Variants in NBEAL1 observed in about 807,000 individuals in gnomAD.
The protein encoded by NBEAL1 is neurobeachin like 1, also known as neurobeachin-like protein 1.
Under a neutral mutation model 351.3 loss-of-function variants are expected in NBEAL1, and 273 were observed. The observed-to-expected ratio is 0.78, with a 90% CI of 0.70 to 0.86. NBEAL1 has a LOEUF of 0.86. Ranked by LOEUF, NBEAL1 falls within the 40% of genes least tolerant of loss-of-function variation. The pLI is 0.00. For synonymous variants in NBEAL1, 1,050 were observed against 1,086.4 expected (o/e 0.97, Z 0.66); for missense variants, 2,961 against 3,201.3 (o/e 0.92, Z 1.81).
rs556011755 is a variant in NBEAL1 at position 203,217,560 on chromosome 2, G to A, written c.*206G>A. ...AAAATACATTTGATTTGATTTTGTGGCCCATTCCTAAAGGTCATTGTATCC... is the reference window on the plus strand; with the variant it reads ...AAAATACATTTGATTTGATTTTGTGACCCATTCCTAAAGGTCATTGTATCC... On this transcript the variant is annotated 3_prime_UTR_variant, in exon 56 of 56. Coordinates refer to ENST00000683969, the MANE Select transcript of NBEAL1 (RefSeq NM_001378026.1). The A allele has an allele frequency of 1.1e-5, 13 of 1,168,652 alleles. No individual in the cohort carries two copies. In the African/African-American group the frequency reaches 2.1e-4, roughly 19 times the overall value. The allele number at this position is 1,168,652 out of a possible 1,614,324, so 72.4% of individuals were successfully genotyped here.
chr2:203,109,821 A>G (rs556458213), intron 14 of NBEAL1, among the ~76,000 whole-genome samples: 3 of 152,280 alleles, frequency 2.0e-5, no homozygotes, highest in South Asian at 2.1e-4. Context: ...CGCCTGGCCT[A>G]TATCTTGTGA....
intron 36 of NBEAL1, among the ~76,000 whole-genome samples, 173 bp from the exon 37 acceptor site, chr2:203,165,976 G>A (rs2064117782): frequency 6.6e-6 from 1 of 152,166 alleles, no homozygotes; most frequent in South Asian, 2.1e-4. Flanking sequence ...CCAGGAGGCA[G>A]AGGTTGCAGT....
chr2:203,207,233 A>G (rs1408889638), intron 51 of NBEAL1, among the ~76,000 whole-genome samples: 1 of 146,216 alleles, frequency 6.8e-6, no homozygotes, highest in Non-Finnish European at 1.5e-5. Context: ...CAGCCACCCC[A>G]TCTGGGAAGT....
chr2:203,183,593 A>AAT lies in NBEAL1; in HGVS notation c.6705+219_6705+220dup, dbSNP rs141705498. Among the ~76,000 whole-genome samples the AAT allele has an allele frequency of 1.6e-3, 236 of 150,644 alleles. 1 individual carries two copies. Among genetic ancestry groups the AAT allele is most frequent in the Admixed American group, 2.5e-3 (38 of 15,080 alleles). On this transcript the variant is annotated intron_variant, in intron 44 of 55. Coordinates refer to ENST00000683969, the MANE Select transcript of NBEAL1 (RefSeq NM_001378026.1). ...AGACTATAGTATAGTACCATGAATA[A>AAT]ATATATATATATATAGCAAAATATT...
intron 27 of NBEAL1, among the ~76,000 whole-genome samples, chr2:203,133,800 A>G (rs1559391324): frequency 1.3e-5 from 2 of 151,136 alleles, no homozygotes; most frequent in African/African-American, 4.8e-5. Flanking sequence ...TATATAATTT[A>G]TTTGTTTAAC....
Position 203,193,823 on chromosome 2 carries a change from AAGAAGCAGTGC to A in NBEAL1, c.6957_6967del (p.Val2320AsnfsTer16), listed in dbSNP as rs1324942965. Reference sequence around the variant, plus strand: ...CCACACCCTCCAAGATTATCAGCAGAAGAAGCAGTGCAGAAGCCAACCAAAATAGACACTTC... The same window carrying A: ...CCACACCCTCCAAGATTATCAGCAGAAGAAGCCAACCAAAATAGACACTTC... On this transcript the variant is annotated frameshift_variant, in exon 47 of 56. Transcript: ENST00000683969. LOFTEE classifies it high-confidence loss of function. The A allele has an allele frequency of 1.2e-6, 2 of 1,612,166 alleles. No individual in the cohort carries two copies. The highest frequency in any genetic ancestry group is 2.2e-5 in the South Asian group (2 of 90,782).
intron 3 of NBEAL1, among the ~76,000 whole-genome samples, chr2:203,045,504 C>T (rs1559328589): frequency 6.6e-6 from 1 of 152,184 alleles, no homozygotes; most frequent in Non-Finnish European, 1.5e-5. Context: ...GGTGCCCCAA[C>T]TAAAATGAAA....
In NBEAL1 at chr2:203,183,300, A is replaced by T; in HGVS notation, c.6617A>T (p.Gln2206Leu). The part of the protein sequence containing the change: ...NQNQFNLGRL[Q>L]ISKELVNDVI... The stretch of plus-strand genomic sequence containing the variant: ...TTAGAATTTAACTTGGGTCGTCTAC[A>T]GATTTCCAAAGAATTAGTAAATGAT... The change falls in exon 44 of 56, where the codon CAG (glutamine) becomes CTG (leucine). Residue 2206 changes from glutamine to leucine, a missense_variant. Transcript: ENST00000683969. 1 of 1,588,016 alleles carries T rather than the reference A, an allele frequency of 6.3e-7. No individual in the cohort carries two copies.
intron 42 of NBEAL1, among the ~76,000 whole-genome samples, chr2:203,178,026 A>AT (rs941143161): frequency 1.6e-4 from 24 of 152,192 alleles, no homozygotes; most frequent in African/African-American, 5.8e-4. Context: ...CTCAAAAAAA[A>AT]AAAATAAAAA....
chr2:203,025,267 T>G (rs2060837932), intron 2 of NBEAL1, among the ~76,000 whole-genome samples: 1 of 152,226 alleles, frequency 6.6e-6, no homozygotes, highest in African/African-American at 2.4e-5. Context: ...GCAATACTAG[T>G]CGCGAGGTAG....
rs2065910201 is a variant in NBEAL1, at chr2:203,217,523, G to C, written c.*169G>C. ...TAAACTAATTCTTGGTCTATACTAA[G>C]ATGTATTTGAGAAAATACATTTGAT... On this transcript the variant is annotated 3_prime_UTR_variant, in exon 56 of 56. Transcript: ENST00000683969. The C allele has an allele frequency of 2.0e-5, 24 of 1,216,450 alleles. No homozygotes were observed. The highest frequency in any genetic ancestry group is 2.4e-5 in the Non-Finnish European group (23 of 976,476). The allele number at this position is 1,216,450 out of a possible 1,614,324, so 75.4% of individuals were successfully genotyped here.
chr2:203,209,359 A>G (rs1190134873), intron 53 of NBEAL1, 37 bp downstream of exon 53: 1 of 1,489,902 alleles, frequency 6.7e-7, no homozygotes, highest in Non-Finnish European at 9.3e-7. Flanking sequence ...TAGACTCCCA[A>G]TAGCATATCT....
chr2:203,039,679 C>T (rs1334322213), intron 2 of NBEAL1, among the ~76,000 whole-genome samples: 1 of 152,196 alleles, frequency 6.6e-6, no homozygotes, highest in Non-Finnish European at 1.5e-5. Context: ...CTGGCATGAG[C>T]CACTGTGCCT....
intron 10 of NBEAL1, among the ~76,000 whole-genome samples, chr2:203,087,090 C>CTTTTTTTT (rs1003638123): frequency 8.3e-6 from 1 of 121,062 alleles, no homozygotes; most frequent in African/African-American, 3.1e-5. Context: ...CTTTTTCACT[C>CTTTTTTTT]TTTTTTTTTT....
intron 9 of NBEAL1, among the ~76,000 whole-genome samples, chr2:203,083,903 C>T (rs1381547486): frequency 1.3e-5 from 2 of 151,994 alleles, no homozygotes; most frequent in East Asian, 1.9e-4. Context: ...TATAACATCT[C>T]TGTAGAGGTC....
intron 19 of NBEAL1, among the ~76,000 whole-genome samples, chr2:203,123,401 C>G (rs138315896): frequency 1.3e-5 from 2 of 148,176 alleles, no homozygotes; most frequent in Admixed American, 1.4e-4. Flanking sequence ...CAGTGGATCT[C>G]GGCTCACTAC....
intron 3 of NBEAL1, among the ~76,000 whole-genome samples, chr2:203,044,307 C>T (rs1277655017): frequency 1.3e-5 from 2 of 152,244 alleles, no homozygotes; most frequent in East Asian, 1.9e-4. Context: ...TTTATTACTA[C>T]TTTTTTACCA....
intron 51 of NBEAL1, among the ~76,000 whole-genome samples, chr2:203,206,547 C>T (rs1346615841): frequency 1.3e-5 from 2 of 152,124 alleles, no homozygotes; most frequent in African/African-American, 4.8e-5. Context: ...TGCCGAGTGC[C>T]TGCAATTGCA....
At chr2:203,091,454 T>C (rs1404480793) in intron 10 of NBEAL1, among the ~76,000 whole-genome samples, 1 of 152,216 alleles carries the variant, frequency 6.6e-6, no homozygotes, top group East Asian at 1.9e-4. Context: ...CTCTTCAAGA[T>C]ACCATTTTCA....
Sources: allele counts gnomAD v4.1 joint callset (sites outside exome capture counted in the v4.1 genomes callset), GRCh38; gene constraint gnomAD v4.1.1; transcripts MANE v1.5; gene names NCBI Gene and HGNC (gene_info 2026-07-23, HGNC 2026-07-21).